The following ANKS1B variants were observed in gnomAD, a reference collection of about 807,000 sequenced individuals.
The protein encoded by ANKS1B is ankyrin repeat and sterile alpha motif domain-containing protein 1B.
In ANKS1B, 36 loss-of-function variants were observed where a neutral mutation model predicts 148.3. The ratio of observed to expected loss-of-function variants is 0.24; its 90% CI spans 0.19 to 0.32. ANKS1B has a LOEUF of 0.32. Ranked by LOEUF, ANKS1B falls within the 10% of genes least tolerant of loss-of-function variation. ANKS1B has a pLI of 1.00. For missense variants in ANKS1B, 1,157 were observed against 1,542.6 expected, an observed-to-expected ratio of 0.75 and a Z score of 4.19; for synonymous variants, 542 against 560.8, an observed-to-expected ratio of 0.97 and a Z score of 0.47.
At chr12:99,736,891 T>C (rs562437301) in intron 8 of ANKS1B, among the ~76,000 whole-genome samples, 1 of 151,962 alleles carries the variant, frequency 6.6e-6, no homozygotes, top group South Asian at 2.1e-4. Context: ...AGGAAATGAA[T>C]AGACACTTCT....
At chr12:99,812,554 C>CACACAG (rs1260174950) in intron 2 of ANKS1B, among the ~76,000 whole-genome samples, 1 of 100,708 alleles carries the variant, frequency 9.9e-6, no homozygotes, top group Non-Finnish European at 2.0e-5. Flanking sequence ...CACACACACA[C>CACACAG]ACACAGAGAG....
chr12:99,252,160 G>A (rs915974054), intron 12 of ANKS1B, among the ~76,000 whole-genome samples: 4 of 152,214 alleles, frequency 2.6e-5, no homozygotes, highest in African/African-American at 9.6e-5. Context: ...ATCATTCAAT[G>A]TTTTGGGGGA....
At chr12:99,282,457 T>C (rs2078597341) in intron 12 of ANKS1B, among the ~76,000 whole-genome samples, 1 of 152,050 alleles carries the variant, frequency 6.6e-6, no homozygotes, top group African/African-American at 2.4e-5. Flanking sequence ...GGGGGAGAGA[T>C]GTGACATGTG....
At chr12:99,420,795 C>G (rs2095057954) in intron 11 of ANKS1B, among the ~76,000 whole-genome samples, 1 of 152,070 alleles carries the variant, frequency 6.6e-6, no homozygotes, top group African/African-American at 2.4e-5. Context: ...CTCAAGGAAA[C>G]AAAATCATTA....
At chr12:99,457,636 T>C (rs2095868742) in intron 10 of ANKS1B, among the ~76,000 whole-genome samples, 1 of 152,010 alleles carries the variant, frequency 6.6e-6, no homozygotes, top group African/African-American at 2.4e-5. Context: ...TGTTCTTATA[T>C]TAGACAAAAC....
chr12:99,623,517 A>G (rs2098079532), intron 9 of ANKS1B, among the ~76,000 whole-genome samples: 1 of 152,102 alleles, frequency 6.6e-6, no homozygotes, highest in South Asian at 2.1e-4. Flanking sequence ...GACTCTGCCA[A>G]TAGGCTCATG....
chr12:99,098,607 T>G (rs1305036273), intron 15 of ANKS1B, among the ~76,000 whole-genome samples: 1 of 136,338 alleles, frequency 7.3e-6, no homozygotes, highest in Non-Finnish European at 1.6e-5. Flanking sequence ...AAAGCATGCC[T>G]GCTAGGAACT....
intron 10 of ANKS1B, among the ~76,000 whole-genome samples, chr12:99,501,086 A>G (rs1469411692): frequency 1.4e-5 from 2 of 146,526 alleles, no homozygotes; most frequent in East Asian, 3.9e-4. Context: ...TTCATTTCTA[A>G]AAGTTTTTTT....
intron 2 of ANKS1B, among the ~76,000 whole-genome samples, chr12:99,812,546 CACACACACACACAGAG>C (rs758917811): frequency 1.7e-3 from 164 of 95,920 alleles, no homozygotes; most frequent in African/African-American, 6.9e-3. Context: ...CACACACACA[CACACACACACACAGAG>C]AGAGAGAGAG....
intron 1 of ANKS1B, among the ~76,000 whole-genome samples, chr12:99,854,206 G>T (rs1453674573): frequency 6.6e-6 from 1 of 152,080 alleles, no homozygotes; most frequent in Non-Finnish European, 1.5e-5. Flanking sequence ...TAGAGACGGG[G>T]TTTCACTGTG....
chr12:99,174,456 T>C (rs2078142328), intron 14 of ANKS1B, among the ~76,000 whole-genome samples: 1 of 152,232 alleles, frequency 6.6e-6, no homozygotes, highest in East Asian at 1.9e-4. Context: ...AGACAAGAAA[T>C]GCATCTGGGT....
intron 11 of ANKS1B, among the ~76,000 whole-genome samples, chr12:99,426,447 A>G (rs993675147): frequency 1.3e-5 from 2 of 149,262 alleles, no homozygotes; most frequent in Non-Finnish European, 3.0e-5. Flanking sequence ...ACTCAATTCA[A>G]TTTAGCATTT....
intron 9 of ANKS1B, among the ~76,000 whole-genome samples, chr12:99,628,199 G>T (rs1002962084): frequency 1.3e-5 from 2 of 152,096 alleles, no homozygotes; most frequent in African/African-American, 4.8e-5. Flanking sequence ...CTAAACAGGG[G>T]AAAGGTGCAG....
intron 2 of ANKS1B, among the ~76,000 whole-genome samples, chr12:99,819,349 G>C (rs138761659): frequency 1.3e-5 from 2 of 151,896 alleles, no homozygotes; most frequent in African/African-American, 4.8e-5. Flanking sequence ...GATGACTAAA[G>C]ATGTTTCTAG....
At chr12:99,601,026 T>C (rs1021507264) in intron 9 of ANKS1B, among the ~76,000 whole-genome samples, 1 of 152,108 alleles carries the variant, frequency 6.6e-6, no homozygotes, top group African/African-American at 2.4e-5. Flanking sequence ...ATAGTAGTCA[T>C]AATGCATCTT....
chr12:98,946,857 T>C (rs1298158064), intron 17 of ANKS1B, among the ~76,000 whole-genome samples: 1 of 147,778 alleles, frequency 6.8e-6, no homozygotes, highest in Non-Finnish European at 1.5e-5. Context: ...GGAGGACCAC[T>C]TGAGCCCAGG....
intron 12 of ANKS1B, among the ~76,000 whole-genome samples, chr12:99,316,306 G>A (rs759838157): frequency 1.3e-5 from 2 of 151,974 alleles, no homozygotes; most frequent in Non-Finnish European, 2.9e-5. Flanking sequence ...AAGTGTTCCT[G>A]TTTCTCCACA....
At chr12:99,502,562 T>A (rs758925287) in intron 10 of ANKS1B, among the ~76,000 whole-genome samples, 2 of 152,150 alleles carry the variant, frequency 1.3e-5, no homozygotes, top group Non-Finnish European at 2.9e-5. Context: ...TACAGCATAG[T>A]GTTTAAGAGC....
chr12:99,483,071 T>C (rs2096437427), intron 10 of ANKS1B, among the ~76,000 whole-genome samples: 1 of 151,934 alleles, frequency 6.6e-6, no homozygotes, highest in Non-Finnish European at 1.5e-5. Context: ...GCTTGTTTTG[T>C]TCCTGTTCTC....
Sources: allele counts gnomAD v4.1 joint callset (sites outside exome capture counted in the v4.1 genomes callset), GRCh38; gene constraint gnomAD v4.1.1; transcripts MANE v1.5; gene names NCBI Gene and HGNC (gene_info 2026-07-23, HGNC 2026-07-21).